The following ATRNL1 variants were observed in gnomAD, a reference collection of about 807,000 sequenced individuals.
ATRNL1 encodes the protein attractin like 1.
ATRNL1 carries 95 observed loss-of-function variants against 182.7 expected under a neutral mutation model. The ratio of observed to expected loss-of-function variants is 0.52; its 90% confidence interval spans 0.44 to 0.62. The LOEUF (loss-of-function observed/expected upper bound fraction) is 0.62, where lower values mean the gene tolerates loss of function less well. Among genes scored for constraint, ATRNL1 ranks in the 20% least tolerant of loss-of-function variants. The pLI is 0.00. For synonymous variants in ATRNL1, 576 were observed against 568.3 expected (o/e 1.01, Z -0.19); for missense variants, 1,471 against 1,679.5 (o/e 0.88, Z 2.17).
intron 27 of ATRNL1, among the ~76,000 whole-genome samples, chr10:115,846,797 G>C (rs1412119946): frequency 2.0e-5 from 3 of 152,076 alleles, no homozygotes; most frequent in Non-Finnish European, 4.4e-5. Context: ...TGCATTGTGT[G>C]ATTAAGAATG....
chr10:115,533,316 T>C (rs1457715488), intron 25 of ATRNL1, among the ~76,000 whole-genome samples: 6 of 152,078 alleles, frequency 3.9e-5, no homozygotes, highest in Admixed American at 3.3e-4. Context: ...CAACTTCTTC[T>C]TGGTTTAGTC....
At chr10:115,795,916 C>T (rs956602281) in intron 27 of ATRNL1, among the ~76,000 whole-genome samples, 1 of 152,140 alleles carries the variant, frequency 6.6e-6, no homozygotes, top group Non-Finnish European at 1.5e-5. Flanking sequence ...ATCTCCAAAA[C>T]CCATGCTGGG....
intron 28 of ATRNL1, among the ~76,000 whole-genome samples, chr10:115,849,130 C>G (rs1175366550): frequency 1.3e-5 from 2 of 152,156 alleles, no homozygotes; most frequent in Non-Finnish European, 2.9e-5. Context: ...ATTCATCATT[C>G]ATGGTACCTG....
At chr10:115,300,007 G>A (rs905641528) in intron 15 of ATRNL1, 27 bp from the exon 16 acceptor site, 5 of 1,533,062 alleles carry the variant, frequency 3.3e-6, no homozygotes, top group Non-Finnish European at 4.5e-6. Context: ...AACTTTCTTT[G>A]AATGCCCCTT....
chr10:115,706,429 A>G (rs1177872606), intron 26 of ATRNL1, among the ~76,000 whole-genome samples: 2 of 151,892 alleles, frequency 1.3e-5, no homozygotes, highest in African/African-American at 4.8e-5. Flanking sequence ...CTCTTTTGCC[A>G]TATAAGGAAA....
intron 28 of ATRNL1, among the ~76,000 whole-genome samples, chr10:115,856,342 C>T (rs1230283713): frequency 2.1e-5 from 3 of 144,444 alleles, no homozygotes; most frequent in Non-Finnish European, 4.5e-5. Flanking sequence ...GCAGGAGAAA[C>T]GCTTGAACCC....
intron 26 of ATRNL1, among the ~76,000 whole-genome samples, chr10:115,600,681 C>A (rs540337058): frequency 1.3e-5 from 2 of 152,090 alleles, no homozygotes; most frequent in South Asian, 4.1e-4. Context: ...GGTCTATAAG[C>A]TTGCTTTGTA....
intron 28 of ATRNL1, among the ~76,000 whole-genome samples, chr10:115,872,371 G>A (rs1555106317): frequency 6.6e-6 from 1 of 152,190 alleles, no homozygotes. Context: ...AGTGGGTACT[G>A]TCCAATTCCA....
intron 25 of ATRNL1, among the ~76,000 whole-genome samples, chr10:115,542,818 T>C (rs1161688191): frequency 6.6e-6 from 1 of 152,154 alleles, no homozygotes; most frequent in Non-Finnish European, 1.5e-5. Flanking sequence ...GTAAAACCTC[T>C]CTTCCTGGCT....
intron 1 of ATRNL1, chr10:115,096,869 C>G: frequency 9.4e-7 from 1 of 1,058,576 alleles, no homozygotes; most frequent in Non-Finnish European, 1.2e-6. Flanking sequence ...GATTTTTCAC[C>G]CAAAGCTAGA....
intron 26 of ATRNL1, among the ~76,000 whole-genome samples, chr10:115,704,733 T>C (rs1435565545): frequency 1.3e-5 from 2 of 151,886 alleles, no homozygotes; most frequent in African/African-American, 4.8e-5. Context: ...CTGTCTAGCT[T>C]CATTCCCACC....
chr10:115,374,271 G>A (rs1407260092), intron 19 of ATRNL1, among the ~76,000 whole-genome samples: 1 of 151,170 alleles, frequency 6.6e-6, no homozygotes, highest in Non-Finnish European at 1.5e-5. Flanking sequence ...TGTCAATTTT[G>A]TTTATCTTTT....
intron 20 of ATRNL1, among the ~76,000 whole-genome samples, chr10:115,411,753 T>C (rs531067152): frequency 6.6e-5 from 10 of 152,204 alleles, no homozygotes; most frequent in Non-Finnish European, 1.5e-4. Flanking sequence ...TTACATTTTA[T>C]TTACCTGTTG....
At chr10:115,696,709 G>A (rs545130637) in intron 26 of ATRNL1, among the ~76,000 whole-genome samples, 50 of 152,144 alleles carry the variant, frequency 3.3e-4, no homozygotes, top group Middle Eastern at 3.4e-3. Context: ...GCCTGTATCA[G>A]TCCATTTTCA....
In ATRNL1 at chr10:115,702,996, A is replaced by G. The variant is rs11197411; in HGVS notation, c.3796-24252A>G. Among the ~76,000 whole-genome samples, 381 of 151,438 alleles carry G rather than the reference A, an allele frequency of 2.5e-3. 3 individuals carry two copies. Among genetic ancestry groups the G allele is most frequent in the Admixed American group, 4.4e-3 (66 of 15,158 alleles). ...CAATACTAAGCAAAAAGAACAAACT[A>G]TAGACTTCAAACTATACTACAAGAG... On this transcript the variant is annotated intron_variant, in intron 26 of 28. Transcript: ENST00000355044.
At chr10:115,841,046 G>T (rs1421828044) in intron 27 of ATRNL1, among the ~76,000 whole-genome samples, 1 of 152,080 alleles carries the variant, frequency 6.6e-6, no homozygotes, top group East Asian at 1.9e-4. Flanking sequence ...ACCTAATTAA[G>T]ATAATTATTT....
intron 10 of ATRNL1, among the ~76,000 whole-genome samples, chr10:115,260,848 G>T (rs1851363089): frequency 6.6e-6 from 1 of 151,918 alleles, no homozygotes. Context: ...GGAAAATAGG[G>T]TAAAAAATGA....
At chr10:115,722,099 A>G (rs2134046446) in intron 26 of ATRNL1, among the ~76,000 whole-genome samples, 2 of 152,348 alleles carry the variant, frequency 1.3e-5, no homozygotes, top group South Asian at 4.1e-4. Flanking sequence ...CAAAAATACC[A>G]TTTGACAAAG....
intron 28 of ATRNL1, 98 bp downstream of exon 28, chr10:115,848,089 A>G (rs1555099468): frequency 1.4e-6 from 1 of 710,494 alleles, no homozygotes; most frequent in Non-Finnish European, 2.5e-6. Context: ...GGACCTTTGC[A>G]AGGTTCTAAT....
Sources: allele counts gnomAD v4.1 joint callset (sites outside exome capture counted in the v4.1 genomes callset), GRCh38; gene constraint gnomAD v4.1.1; transcripts MANE v1.5; gene names NCBI Gene and HGNC (gene_info 2026-07-23, HGNC 2026-07-21).